Variants in RHBDF1 observed in about 807,000 individuals in gnomAD.
RHBDF1 encodes rhomboid 5 homolog 1, also known as inactive rhomboid protein 1.
A neutral mutation model predicts 98.6 loss-of-function variants in RHBDF1; 80 were observed. That is an observed-to-expected ratio of 0.81 (90% CI 0.68 to 0.98). RHBDF1 has a LOEUF of 0.98. RHBDF1 is among the 50% of genes least tolerant of loss of function. The pLI is 0.00. For missense variants in RHBDF1, 1,116 were observed against 1,198.3 expected (o/e 0.93, Z 1.01); for synonymous variants, 512 against 486.8 (o/e 1.05, Z -0.68).
chr16:60,276 C>T lies in RHBDF1; in HGVS notation c.1662G>A (p.Val554=). 6.2e-7 allele frequency: 1 copy of T among 1,614,112 alleles called. No homozygotes were observed. Among genetic ancestry groups the T allele is most frequent in the Non-Finnish European group, 8.5e-7 (1 of 1,180,012 alleles). The change falls in exon 13 of 18, where the codon GTG becomes GTA. Residue 554 remains valine (V), a synonymous_variant. Coordinates refer to ENST00000262316, the MANE Select transcript of RHBDF1 (RefSeq NM_022450.5). ...GGTCTTCGGAGGAGGGCTCATCACA[C>T]ACCCTGCATGAGCCAAGTATGTGGT... ...FGSVCHQDPR[V]CDEPSSEDPH...
At chr16:64,572 G>A in intron 3 of RHBDF1, 127 bp downstream of exon 3, 1 of 1,542,572 alleles carries the variant, frequency 6.5e-7, no homozygotes, top group Non-Finnish European at 8.7e-7. Flanking sequence ...GGGGATGGTG[G>A]GGACCGAGAT....
intron 1 of RHBDF1, among the ~76,000 whole-genome samples, chr16:70,793 G>A (rs957044991): frequency 6.6e-6 from 1 of 152,234 alleles, no homozygotes; most frequent in Admixed American, 6.5e-5. Context: ...CAGACCACCT[G>A]GGTTCTTCAG....
chr16:59,433 T>A lies in RHBDF1; in HGVS notation c.1879A>T (p.Thr627Ser), dbSNP rs764126066. The A allele has an allele frequency of 1.4e-5, 22 of 1,613,692 alleles. No homozygotes were observed. In the Admixed American group the frequency reaches 1.7e-4, roughly 12 times the overall value. Residue 627 changes from threonine to serine, a missense_variant, in exon 15 of 18, where the codon ACG (threonine) becomes TCG (serine). Transcript: ENST00000262316. Reference sequence around the variant, plus strand: ...TGCAGACCTACCTGAGAGCAGAGCGTGGCCTCCTCATGGAAGTAGCCCCTC... The same window carrying A: ...TGCAGACCTACCTGAGAGCAGAGCGAGGCCTCCTCATGGAAGTAGCCCCTC... ...FMRGYFHEEA[T>S]LCSQVHCMDD...
intron 1 of RHBDF1, among the ~76,000 whole-genome samples, chr16:66,873 T>A (rs780607456): frequency 6.6e-6 from 1 of 151,868 alleles, no homozygotes; most frequent in Non-Finnish European, 1.5e-5. Context: ...AGCCCCAGAG[T>A]GCAACAGGGT....
At chr16:68,758 C>A (rs1248559448) in intron 1 of RHBDF1, among the ~76,000 whole-genome samples, 2 of 152,228 alleles carry the variant, frequency 1.3e-5, no homozygotes, top group Non-Finnish European at 2.9e-5. Context: ...TGGCTGCCTG[C>A]AGAGCCTGGT....
intron 1 of RHBDF1, 149 bp from the exon 2 acceptor site, chr16:65,188 C>T (rs1897796535): frequency 8.5e-6 from 7 of 823,226 alleles, no homozygotes; most frequent in African/African-American, 1.8e-5. Context: ...TGCTCAGCAC[C>T]GACTTTCTCT....
Position 63,604 on chromosome 16 carries a change from G to A in RHBDF1, c.445C>T (p.Gln149Ter). 6.4e-7 allele frequency: 1 copy of A among 1,563,226 alleles called. No homozygotes were observed. The highest frequency in any genetic ancestry group is 8.7e-7 in the Non-Finnish European group (1 of 1,154,902). The stretch of plus-strand genomic sequence containing the variant: ...AGGCATACCTTCTGCATGCCCAGCT[G>A]GCATGGCCCCACGTAGAGTGGGGGT... ...TPPPLYVGPC[Q>*]LGMQKIIDPL... The change falls in exon 4 of 18, where the codon CAG (glutamine) becomes TAG (stop). Residue 149 changes from glutamine (Q) to a stop codon, truncating the protein, a stop_gained. Coordinates refer to ENST00000262316, the MANE Select transcript of RHBDF1 (RefSeq NM_022450.5). LOFTEE classifies it high-confidence loss of function.
intron 3 of RHBDF1, chr16:64,238 C>A: frequency 7.5e-7 from 1 of 1,332,700 alleles, no homozygotes; most frequent in Non-Finnish European, 9.9e-7. Context: ...CGTTAGGAGC[C>A]CCAGGGAATG....
At position 58,211 on chromosome 16, in the gene RHBDF1, A is replaced by C; in HGVS notation, c.*129T>G. 1 of 804,978 alleles carries C rather than the reference A, an allele frequency of 1.2e-6. No individual in the cohort carries two copies. The highest frequency in any genetic ancestry group is 2.6e-5 in the East Asian group (1 of 38,748). The allele number at this position is 804,978 out of a possible 1,614,324, so 49.9% of individuals were successfully genotyped here. On this transcript the variant is annotated 3_prime_UTR_variant, in exon 18 of 18. Coordinates refer to ENST00000262316, the MANE Select transcript of RHBDF1 (RefSeq NM_022450.5). ...CAGAAGTGAACAAGGCACAAGAAAG[A>C]GGTCTGTGTTCAGGAAACAGGCCAG...
Position 61,197 on chromosome 16 carries a change from C to G in RHBDF1, c.1480G>C (p.Glu494Gln), listed in dbSNP as rs140406683. 1.3e-5 allele frequency: 20 copies of G among 1,543,770 alleles called. No individual in the cohort carries two copies. The Middle Eastern group carries it at 6.7e-4, about 52-fold the overall frequency. The change falls in exon 11 of 18, where the codon GAG (glutamate) becomes CAG (glutamine). Residue 494 changes from glutamate (E) to glutamine (Q), a missense_variant. Transcript: ENST00000262316. ...CAGCAGGCGGAGTGCTTCTCGCGCT[C>G]GCGCGCCGAGCGAATGAAGCTGTGC... ...QVHSFIRSAR[E>Q]REKHSACCVR...
chr16:70,493 G>A (rs993390538), intron 1 of RHBDF1, among the ~76,000 whole-genome samples: 19 of 152,208 alleles, frequency 1.2e-4, no homozygotes, highest in African/African-American at 3.6e-4. Flanking sequence ...CCAGAAGCAG[G>A]ATAGGACTAG....
intron 3 of RHBDF1, chr16:64,342 G>A: frequency 7.4e-6 from 10 of 1,359,906 alleles, no homozygotes; most frequent in East Asian, 4.5e-5. Flanking sequence ...CCTGAGCAGG[G>A]ACCAAGAGAG....
At chr16:60,338 C>A in intron 12 of RHBDF1, 59 bp from the exon 13 acceptor site, 1 of 1,608,756 alleles carries the variant, frequency 6.2e-7, no homozygotes, top group Non-Finnish European at 8.5e-7. Flanking sequence ...GGCACCCTTC[C>A]AGCCAAGTCG....
rs770799762 is a variant in RHBDF1 at position 63,666 on chromosome 16, C to T, written c.383G>A (p.Ser128Asn). ...PQVLRELDLP[S>N]QDNVSLTSTE... ...GCTGGTCAGCGACACGTTGTCCTGG[C>T]TGGGCAGGTCCAGCTCCCGGAGGAC... The change falls in exon 4 of 18, where the codon AGC becomes AAC. Residue 128 changes from serine to asparagine, a missense_variant. Coordinates refer to ENST00000262316, the MANE Select transcript of RHBDF1 (RefSeq NM_022450.5). 6.2e-7 allele frequency: 1 copy of T among 1,611,734 alleles called. No individual in the cohort carries two copies. The highest frequency in any genetic ancestry group is 2.2e-5 in the East Asian group (1 of 44,870).
chr16:62,289 G>C lies in RHBDF1; in HGVS notation c.954-237C>G, dbSNP rs114061359. 8.4e-6 allele frequency: 6 copies of C among 715,576 alleles called. No individual in the cohort carries two copies. The East Asian group carries it at 1.7e-4, about 20-fold the overall frequency. 44.3% of individuals were successfully genotyped at this position (715,576 alleles called of 1,614,324 possible). A position where few individuals can be genotyped will look rare whatever the true frequency, so the allele number is the denominator to read the frequency against. ...AGCAAGTATCACCTCTGTCACCTCC[G>C]CCTCCCCGTTGGATTCTGCCCAGCC... On this transcript the variant is annotated intron_variant, in intron 7 of 17. Transcript: ENST00000262316.
upstream of RHBDF1, among the ~76,000 whole-genome samples, chr16:75,328 G>A (rs918765591): frequency 6.6e-6 from 1 of 152,164 alleles, no homozygotes; most frequent in Non-Finnish European, 1.5e-5. Flanking sequence ...CCAGTAAGAG[G>A]AGTGTTCCCA....
At chr16:59,701 A>G in intron 14 of RHBDF1, 31 bp downstream of exon 14, 1 of 1,610,368 alleles carries the variant, frequency 6.2e-7, no homozygotes, top group Non-Finnish European at 8.5e-7. Flanking sequence ...GAGCCCAGAG[A>G]CCAGCTGCAC....
Position 60,500 on chromosome 16 carries a change from T to C in RHBDF1, c.1597A>G (p.Ser533Gly). ...AVWVKWPIHP[S>G]APELAGHKRQ... ...TTGTGGCCCGCAAGCTCTGGGGCGCTGGGATGGATGGGCCACTTCACCCAC... is the reference window on the plus strand; with the variant it reads ...TTGTGGCCCGCAAGCTCTGGGGCGCCGGGATGGATGGGCCACTTCACCCAC... Residue 533 changes from serine (S) to glycine (G), a missense_variant, in exon 12 of 18, where the codon AGC becomes GGC. Physicochemically the swap from Ser to Gly is moderately conservative, Grantham distance 56. Transcript: ENST00000262316. The C allele has an allele frequency of 6.2e-7, 1 of 1,610,842 alleles. No homozygotes were observed. The highest frequency in any genetic ancestry group is 1.3e-5 in the African/African-American group (1 of 74,956).
At chr16:71,945 G>C (rs564624185) in intron 1 of RHBDF1, among the ~76,000 whole-genome samples, 4 of 152,310 alleles carry the variant, frequency 2.6e-5, no homozygotes, top group South Asian at 4.1e-4. Flanking sequence ...GTGTACAGAT[G>C]GGGGAGTCAG....
Sources: allele counts gnomAD v4.1 joint callset (sites outside exome capture counted in the v4.1 genomes callset), GRCh38; gene constraint gnomAD v4.1.1; transcripts MANE v1.5; gene names NCBI Gene and HGNC (gene_info 2026-07-23, HGNC 2026-07-21).